SEC61A2: variants seen among roughly 807,000 people sequenced by gnomAD.
The protein encoded by SEC61A2 is protein transport protein Sec61 subunit alpha isoform 2.
In SEC61A2, 28 loss-of-function variants were observed where a neutral mutation model predicts 59.9. The observed-to-expected ratio is 0.47, with a 90% confidence interval of 0.35 to 0.64. The LOEUF (loss-of-function observed/expected upper bound fraction) is 0.64. Among genes scored for constraint, SEC61A2 ranks in the 30% least tolerant of loss-of-function variants. The pLI is 0.01. For missense variants in SEC61A2, 340 were observed against 585.9 expected (o/e 0.58, Z 4.33); for synonymous variants, 202 against 214.4 (o/e 0.94, Z 0.50).
chr10:12,158,106 G>A lies in SEC61A2; in HGVS notation c.975+1G>A, dbSNP rs1343825635. ...AGTAAATTTACTAGGACAGTGGGCC[G>A]TGAGTATTATGTTTATTTACATTAT... is the stretch of plus-strand genomic sequence containing the variant. On this transcript the variant is annotated splice_donor_variant, in intron 9 of 11. Transcript: ENST00000298428. LOFTEE classifies it high-confidence loss of function. The surrounding 1 kb of genome is among the most constrained non-coding windows in gnomAD (Gnocchi z 5.7). 2.5e-6 allele frequency: 4 copies of A among 1,601,954 alleles called. No individual in the cohort carries two copies. Among genetic ancestry groups the A allele is most frequent in the East Asian group, 2.2e-5 (1 of 44,830 alleles).
In SEC61A2 at chr10:12,164,684, C is replaced by A; in HGVS notation, c.*230C>A. On this transcript the variant is annotated 3_prime_UTR_variant, in exon 12 of 12. Transcript: ENST00000298428. The surrounding 1 kb of genome is among the most constrained non-coding windows in gnomAD (Gnocchi z 7.3). ...ATTAAAAAAAGTACATCTAGTGTTG[C>A]CTGTAATGCTGGAAACCAGTGTATC... 7.6e-7 allele frequency: 1 copy of A among 1,309,930 alleles called. No individual in the cohort carries two copies. Among genetic ancestry groups the A allele is most frequent in the South Asian group, 1.8e-5 (1 of 54,358 alleles). 81.1% of individuals were successfully genotyped at this position (1,309,930 alleles called of 1,614,324 possible).
At chr10:12,132,165 G>T (rs1833763387) in intron 1 of SEC61A2, among the ~76,000 whole-genome samples, 1 of 151,324 alleles carries the variant, frequency 6.6e-6, no homozygotes, top group South Asian at 2.1e-4. Context: ...GCCAGGCATG[G>T]TACCGTGCGC....
Position 12,156,050 on chromosome 10 carries a change from A to G in SEC61A2, c.616+119A>G. On this transcript the variant is annotated intron_variant, in intron 7 of 11. Transcript: ENST00000298428. The surrounding 1 kb of genome is among the most constrained non-coding windows in gnomAD (Gnocchi z 5.2). The stretch of plus-strand genomic sequence containing the variant: ...GGTTTGCTCTCCTAGGGGATAAGGA[A>G]TGCGAATTCTTCAAAACTTAATGAG... 1 of 983,856 alleles carries G rather than the reference A, an allele frequency of 1.0e-6. No homozygotes were observed. The highest frequency in any genetic ancestry group is 2.2e-5 in the Admixed American group (1 of 45,296). The allele number at this position is 983,856 out of a possible 1,614,324, so 60.9% of individuals were successfully genotyped here.
At chr10:12,146,744 T>G (rs1834148166) in intron 4 of SEC61A2, among the ~76,000 whole-genome samples, 1 of 151,752 alleles carries the variant, frequency 6.6e-6, no homozygotes, top group Admixed American at 6.6e-5. Context: ...GGTCTTGATC[T>G]CCTGACCTTG....
In SEC61A2 at chr10:12,161,481, G is replaced by A. The variant is rs908521159; in HGVS notation, c.1167+360G>A. 3.3e-5 allele frequency among the ~76,000 whole-genome samples: 5 copies of A among 152,066 alleles called. No homozygotes were observed. Among genetic ancestry groups the A allele is most frequent in the South Asian group, 2.1e-4 (1 of 4,816 alleles). ...AAAAAGGCCAGGCGCAGTGGTTCACGCCTGTAATCCCAGCACTTCGGGAGG... is the reference window on the plus strand; with the variant it reads ...AAAAAGGCCAGGCGCAGTGGTTCACACCTGTAATCCCAGCACTTCGGGAGG... On this transcript the variant is annotated intron_variant, in intron 10 of 11. Transcript: ENST00000298428. This position sits in a 1 kb window ranked among gnomAD's most constrained non-coding sequence, Gnocchi z 5.4.
At chr10:12,166,942 A>T (rs572094099), downstream of SEC61A2, 18 of 263,020 alleles carry the variant, frequency 6.8e-5, no homozygotes, top group African/African-American at 4.1e-4. Flanking sequence ...ACATCAAGAT[A>T]TTACTGCCCC....
rs751188887 is a variant in SEC61A2, at chr10:12,149,299, C to T, written c.221-296C>T. 5.9e-5 allele frequency among the ~76,000 whole-genome samples: 9 copies of T among 151,728 alleles called. No homozygotes were observed. Among genetic ancestry groups the T allele is most frequent in the Non-Finnish European group, 1.0e-4 (7 of 67,908 alleles). On this transcript the variant is annotated intron_variant, in intron 4 of 11. Transcript: ENST00000298428. This position sits in a 1 kb window ranked among gnomAD's most constrained non-coding sequence, Gnocchi z 5.2. The stretch of plus-strand genomic sequence containing the variant: ...GAGACGGGGTTTCTCCATGTTGTCC[C>T]GTTGGTCTCGAACTTCTGACCTCAG...
At chr10:12,151,960 C>T (rs757721019) in intron 6 of SEC61A2, among the ~76,000 whole-genome samples, 51 of 152,228 alleles carry the variant, frequency 3.4e-4, no homozygotes, top group Admixed American at 6.5e-4. Flanking sequence ...GGAAGCAAAA[C>T]ATGATTATTT....
At chr10:12,150,776 CTTTT>C (rs764582648) in intron 6 of SEC61A2, among the ~76,000 whole-genome samples, 1 of 140,290 alleles carries the variant, frequency 7.1e-6, no homozygotes. Context: ...TCCTAAGTAT[CTTTT>C]TTTTTTTTTT....
In SEC61A2 at chr10:12,143,081, A is replaced by G. The variant is rs959398691; in HGVS notation, c.142-36A>G. On this transcript the variant is annotated intron_variant, in intron 3 of 11. Transcript: ENST00000298428. The surrounding 1 kb of genome is among the most constrained non-coding windows in gnomAD (Gnocchi z 4.8). Reference sequence around the variant, plus strand: ...GATTCTTATGCCTCAGCCTTATATAATACAGTTTCATAAACTATTTTGTGT... The same window carrying G: ...GATTCTTATGCCTCAGCCTTATATAGTACAGTTTCATAAACTATTTTGTGT... The G allele has an allele frequency of 2.6e-6, 4 of 1,515,008 alleles. No individual in the cohort carries two copies. Among genetic ancestry groups the G allele is most frequent in the Admixed American group, 1.7e-5 (1 of 59,898 alleles). The allele number at this position is 1,515,008 out of a possible 1,614,324, so 93.8% of individuals were successfully genotyped here.
In SEC61A2 at chr10:12,160,920, T is replaced by C. The variant is rs371422890; in HGVS notation, c.976-10T>C. ...GTTGACCACTTGTTCTTTGTACTCC[T>C]GTTCTGTAGGATGTCAGTGGGGGAG... On this transcript the variant is annotated splice_polypyrimidine_tract_variant and intron_variant, in intron 9 of 11. Transcript: ENST00000298428. The surrounding 1 kb of genome is among the most constrained non-coding windows in gnomAD (Gnocchi z 4.1). 6.2e-7 allele frequency: 1 copy of C among 1,606,492 alleles called. No individual in the cohort carries two copies. The highest frequency in any genetic ancestry group is 8.5e-7 in the Non-Finnish European group (1 of 1,176,880).
Position 12,155,464 on chromosome 10 carries a change from T to C in SEC61A2, c.463-314T>C, listed in dbSNP as rs1234798158. 4 of 980,882 alleles carry C rather than the reference T, an allele frequency of 4.1e-6. No individual in the cohort carries two copies. In the African/African-American group the frequency reaches 6.6e-5, roughly 16 times the overall value. The allele number at this position is 980,882 out of a possible 1,614,324, so 60.8% of individuals were successfully genotyped here. On this transcript the variant is annotated intron_variant, in intron 6 of 11. Transcript: ENST00000298428. The surrounding 1 kb of genome is among the most constrained non-coding windows in gnomAD (Gnocchi z 4.3). Reference sequence around the variant, plus strand: ...AAATTCTAGAATACTGTGATCATTTTTTGTTTCAGTGTGCTTTTCAAACAG... The same window carrying C: ...AAATTCTAGAATACTGTGATCATTTCTTGTTTCAGTGTGCTTTTCAAACAG...
intron 8 of SEC61A2, among the ~76,000 whole-genome samples, chr10:12,157,502 A>ATTTTTT (rs35428328): frequency 3.6e-5 from 4 of 111,070 alleles, no homozygotes; most frequent in African/African-American, 1.5e-4. Context: ...CGCCCGGCTA[A>ATTTTTT]TTTTTTTTTT....
At chr10:12,140,663 T>A (rs1222186880) in intron 3 of SEC61A2, among the ~76,000 whole-genome samples, 1 of 152,182 alleles carries the variant, frequency 6.6e-6, no homozygotes, top group East Asian at 1.9e-4. Flanking sequence ...TGGCATGATC[T>A]CAGCTCACTG....
At chr10:12,169,320 TCTA>T, downstream of SEC61A2, 1 of 1,553,818 alleles carries the variant, frequency 6.4e-7, no homozygotes, top group Non-Finnish European at 8.7e-7. This position sits in a 1 kb window ranked among gnomAD's most constrained non-coding sequence, Gnocchi z 4.8. Flanking sequence ...AGGATACTCT[TCTA>T]CTAAAAGATA....
Position 12,161,209 on chromosome 10 carries a change from C to A in SEC61A2, c.1167+88C>A. 2.0e-6 allele frequency: 2 copies of A among 1,011,200 alleles called. No homozygotes were observed. The highest frequency in any genetic ancestry group is 1.4e-6 in the Non-Finnish European group (1 of 695,248). 62.6% of individuals were successfully genotyped at this position (1,011,200 alleles called of 1,614,324 possible). On this transcript the variant is annotated intron_variant, in intron 10 of 11. Coordinates refer to ENST00000298428, the MANE Select transcript of SEC61A2 (RefSeq NM_018144.4). This position sits in a 1 kb window ranked among gnomAD's most constrained non-coding sequence, Gnocchi z 5.4. ...TCGTAGCACTTTGGCAGGCTGAGGCCGCTGGATCGCTTCACCTCAGGAGTT... is the reference window on the plus strand; with the variant it reads ...TCGTAGCACTTTGGCAGGCTGAGGCAGCTGGATCGCTTCACCTCAGGAGTT...
At position 12,164,534 on chromosome 10, in the gene SEC61A2, C is replaced by T; in HGVS notation, c.*80C>T. ...TTTTTGTCAGATGACACTGGTGGCT[C>T]CCCTTTTCTCCCCTCACAGTTTCTT... On this transcript the variant is annotated 3_prime_UTR_variant, in exon 12 of 12. Coordinates refer to ENST00000298428, the MANE Select transcript of SEC61A2 (RefSeq NM_018144.4). The surrounding 1 kb of genome is among the most constrained non-coding windows in gnomAD (Gnocchi z 7.3). 4 of 1,528,556 alleles carry T rather than the reference C, an allele frequency of 2.6e-6. No homozygotes were observed. Among genetic ancestry groups the T allele is most frequent in the Non-Finnish European group, 3.5e-6 (4 of 1,142,096 alleles). 94.7% of individuals were successfully genotyped at this position (1,528,556 alleles called of 1,614,324 possible). A position where few individuals can be genotyped will look rare whatever the true frequency, so the allele number is the denominator to read the frequency against.
Position 12,165,055 on chromosome 10 carries a change from CTCCTCTTCCTCT to C in SEC61A2, c.*607_*618del, listed in dbSNP as rs955522158. 61 of 987,486 alleles carry C rather than the reference CTCCTCTTCCTCT, an allele frequency of 6.2e-5. No homozygotes were observed. The highest frequency in any genetic ancestry group is 2.6e-5 in the Non-Finnish European group (22 of 830,840). The allele number at this position is 987,486 out of a possible 1,614,324, so 61.2% of individuals were successfully genotyped here. On this transcript the variant is annotated 3_prime_UTR_variant, in exon 12 of 12. Coordinates refer to ENST00000298428, the MANE Select transcript of SEC61A2 (RefSeq NM_018144.4). ...CTTCTAAGGCCTCCTCCTTCTCCTC[CTCCTCTTCCTCT>C]TCCTCCTTTTCCTTCTCCTCCTCCT...
At chr10:12,134,984 A>G (rs918708265) in intron 2 of SEC61A2, among the ~76,000 whole-genome samples, 2 of 152,094 alleles carry the variant, frequency 1.3e-5, no homozygotes, top group Non-Finnish European at 2.9e-5. Context: ...TTAAGAGTGA[A>G]TAATAGGATG....
Sources: gnomAD v4.1 joint callset for allele counts (sites outside exome capture counted in the v4.1 genomes callset) on GRCh38, gnomAD v4.1.1 for gene constraint, Gnocchi (gnomAD v3.1) non-coding constraint, MANE v1.5 for transcripts, NCBI Gene and HGNC (gene_info 2026-07-23, HGNC 2026-07-21) for gene names.